The following SPOCK3 variants were observed in gnomAD, a reference collection of about 807,000 sequenced individuals.
The protein encoded by SPOCK3 is testican-3.
SPOCK3 carries 30 observed loss-of-function variants against 56.6 expected under a neutral mutation model. That is an observed-to-expected ratio of 0.53 (90% CI 0.40 to 0.72). The LOEUF is 0.72. SPOCK3 is among the 30% of genes least tolerant of loss of function. The probability of loss-of-function intolerance (pLI) is 0.00; values close to 1 mark genes in which losing one functional copy is unlikely to be tolerated. For synonymous variants in SPOCK3, 196 were observed against 183.3 expected (o/e 1.07, Z -0.56); for missense variants, 527 against 530.0 (o/e 0.99, Z 0.06).
intron 4 of SPOCK3, among the ~76,000 whole-genome samples, chr4:166,968,296 C>T (rs1287375237): frequency 2.0e-5 from 3 of 152,132 alleles, no homozygotes; most frequent in Non-Finnish European, 4.4e-5. Context: ...CAGAAATTTG[C>T]ATAATTAAGA....
At chr4:166,799,003 G>T (rs1282186907) in intron 6 of SPOCK3, among the ~76,000 whole-genome samples, 2 of 152,058 alleles carry the variant, frequency 1.3e-5, no homozygotes, top group Admixed American at 6.6e-5. Flanking sequence ...CCCTAAGAAC[G>T]CCAATTTAAT....
chr4:166,893,152 C>A (rs1318374836), intron 5 of SPOCK3, among the ~76,000 whole-genome samples: 6 of 152,120 alleles, frequency 3.9e-5, no homozygotes, highest in African/African-American at 1.2e-4. Context: ...CAAAGGACAA[C>A]CCCCCTGCCA....
At chr4:166,964,685 G>A (rs1365813336) in intron 4 of SPOCK3, among the ~76,000 whole-genome samples, 1 of 151,388 alleles carries the variant, frequency 6.6e-6, no homozygotes, top group African/African-American at 2.4e-5. Flanking sequence ...AAATCTACTA[G>A]GCTTGCCAAA....
chr4:167,228,149 T>C lies in SPOCK3; in HGVS notation c.189+5836A>G, dbSNP rs369399786. Among the ~76,000 whole-genome samples, 4 of 152,216 alleles carry C rather than the reference T, an allele frequency of 2.6e-5. No homozygotes were observed. In the South Asian group the frequency reaches 8.3e-4, roughly 31 times the overall value. ...TATGTGTAATAACTATACACATATCTGGTGCATACAAAAAACCTATAGCAC... is the reference window on the plus strand; with the variant it reads ...TATGTGTAATAACTATACACATATCCGGTGCATACAAAAAACCTATAGCAC... On this transcript the variant is annotated intron_variant, in intron 2 of 10. Coordinates refer to ENST00000357545, the MANE Select transcript of SPOCK3 (RefSeq NM_001040159.2).
intron 6 of SPOCK3, among the ~76,000 whole-genome samples, chr4:166,797,498 A>G (rs1742087255): frequency 6.6e-6 from 1 of 151,460 alleles, no homozygotes; most frequent in African/African-American, 2.4e-5. Context: ...AAGAATCTCT[A>G]TTTCCTTTTC....
At chr4:166,949,295 C>T (rs529625456) in intron 4 of SPOCK3, among the ~76,000 whole-genome samples, 2 of 152,228 alleles carry the variant, frequency 1.3e-5, no homozygotes, top group South Asian at 2.1e-4. Flanking sequence ...TGAATTTCCT[C>T]CTGTAGCTTG....
chr4:167,150,718 AGAGT>A (rs1023088496), intron 2 of SPOCK3, among the ~76,000 whole-genome samples: 2 of 152,200 alleles, frequency 1.3e-5, no homozygotes, highest in Non-Finnish European at 2.9e-5. Flanking sequence ...ACAAAGTGAG[AGAGT>A]AAGGCTGCAA....
chr4:167,163,693 T>G (rs1289511345), intron 2 of SPOCK3, among the ~76,000 whole-genome samples: 3 of 152,208 alleles, frequency 2.0e-5, no homozygotes, highest in East Asian at 1.9e-4. Context: ...AAGCTTATCT[T>G]TCCATGCCTG....
intron 8 of SPOCK3, among the ~76,000 whole-genome samples, chr4:166,752,569 TATATACAC>T (rs1483112719): frequency 0.023 from 203 of 9,006 alleles, 1 homozygote; most frequent in East Asian, 0.12. Flanking sequence ...TATATATATA[TATATACAC>T]ACACACACAC....
chr4:167,172,137 A>G (rs1024465186), intron 2 of SPOCK3, among the ~76,000 whole-genome samples: 14 of 152,218 alleles, frequency 9.2e-5, no homozygotes, highest in Admixed American at 2.6e-4. Flanking sequence ...TGGGCACTCA[A>G]GACAGGCACC....
chr4:166,953,820 T>G (rs546945548), intron 4 of SPOCK3, among the ~76,000 whole-genome samples: 333 of 126,500 alleles, frequency 2.6e-3, no homozygotes, highest in African/African-American at 8.1e-3. Flanking sequence ...TCATTCTCAG[T>G]AAACTATCGT....
At chr4:167,101,713 CTTT>C (rs34604496) in intron 2 of SPOCK3, among the ~76,000 whole-genome samples, 37 of 126,316 alleles carry the variant, frequency 2.9e-4, no homozygotes, top group Admixed American at 4.3e-4. Context: ...AATTCTTACT[CTTT>C]TTTTTTTTTT....
intron 4 of SPOCK3, among the ~76,000 whole-genome samples, chr4:166,975,984 G>A (rs1330435186): frequency 6.6e-6 from 1 of 152,058 alleles, no homozygotes; most frequent in Non-Finnish European, 1.5e-5. Context: ...GCATGGGAGT[G>A]CAGATATCTT....
chr4:166,850,336 A>T (rs2126868663), intron 6 of SPOCK3, among the ~76,000 whole-genome samples: 1 of 152,318 alleles, frequency 6.6e-6, no homozygotes, highest in East Asian at 1.9e-4. Context: ...ATGTTTTAAT[A>T]AAAAAATTTG....
chr4:166,849,294 A>G lies in SPOCK3; in HGVS notation c.589+39836T>C, dbSNP rs190384779. Among the ~76,000 whole-genome samples the G allele has an allele frequency of 2.2e-4, 33 of 152,310 alleles. No individual in the cohort carries two copies. In the East Asian group the frequency reaches 4.6e-3, roughly 21 times the overall value. ...ATATTTCTGTCAGTCTGTATATTAC[A>G]TATAAAGGAGATGGTAATTCATTTA... On this transcript the variant is annotated intron_variant, in intron 6 of 10. Transcript: ENST00000357545.
chr4:167,231,761 C>T (rs1000159318), intron 2 of SPOCK3, among the ~76,000 whole-genome samples: 1 of 152,080 alleles, frequency 6.6e-6, no homozygotes, highest in Non-Finnish European at 1.5e-5. Flanking sequence ...AGAAACCACA[C>T]TGTCAGCATA....
intron 2 of SPOCK3, among the ~76,000 whole-genome samples, chr4:167,100,814 G>C (rs1759575653): frequency 6.6e-6 from 1 of 151,986 alleles, no homozygotes; most frequent in African/African-American, 2.4e-5. Flanking sequence ...TCCCAAACAA[G>C]TAATCACTTG....
chr4:167,020,084 C>T (rs1751023249), intron 3 of SPOCK3, among the ~76,000 whole-genome samples: 1 of 152,070 alleles, frequency 6.6e-6, no homozygotes, highest in South Asian at 2.1e-4. Context: ...CCTTTTGTTA[C>T]TGTAGCCTAA....
At chr4:166,740,507 T>C (rs1269650599) in intron 9 of SPOCK3, among the ~76,000 whole-genome samples, 1 of 80,798 alleles carries the variant, frequency 1.2e-5, no homozygotes, top group Non-Finnish European at 2.5e-5. Flanking sequence ...TTATTATTAT[T>C]ATTATTATTA....
Sources: gnomAD v4.1 joint callset for allele counts (sites outside exome capture counted in the v4.1 genomes callset) on GRCh38, gnomAD v4.1.1 for gene constraint, MANE v1.5 for transcripts, NCBI Gene and HGNC (gene_info 2026-07-23, HGNC 2026-07-21) for gene names.